WDFY3: variants seen among roughly 807,000 people sequenced by gnomAD.
WDFY3 encodes the protein WD repeat and FYVE domain containing 3, also known as WD repeat and FYVE domain-containing protein 3.
WDFY3 carries 66 observed loss-of-function variants against 409.6 expected under a neutral mutation model. The ratio of observed to expected loss-of-function variants is 0.16; its 90% CI spans 0.13 to 0.20. The LOEUF is 0.20. WDFY3 is among the 10% of genes least tolerant of loss of function. The probability of loss-of-function intolerance (pLI) is 1.00; values close to 1 mark genes in which losing one functional copy is unlikely to be tolerated. For missense variants in WDFY3, 3,031 were observed against 4,298.1 expected, an observed-to-expected ratio of 0.71 and a Z score of 8.24; for synonymous variants, 1,521 against 1,537.1, an observed-to-expected ratio of 0.99 and a Z score of 0.25.
At chr4:84,803,095 A>T (rs961613546) in intron 16 of WDFY3, among the ~76,000 whole-genome samples, 195 bp downstream of exon 16, 1 of 152,260 alleles carries the variant, frequency 6.6e-6, no homozygotes, top group Non-Finnish European at 1.5e-5. Context: ...TGAATGAATT[A>T]GATTCTAAAA....
intron 55 of WDFY3, 139 bp from the exon 56 acceptor site, chr4:84,702,645 T>C (rs1035126744): frequency 1.5e-6 from 1 of 668,246 alleles, no homozygotes; most frequent in African/African-American, 1.8e-5. Flanking sequence ...TACGCACAAA[T>C]TTTTAATAAA....
chr4:84,834,446 A>G (rs969434582), intron 7 of WDFY3, among the ~76,000 whole-genome samples: 2 of 152,082 alleles, frequency 1.3e-5, no homozygotes, highest in African/African-American at 2.4e-5. Context: ...CAGGAGTTCG[A>G]GACCAACCTG....
intron 5 of WDFY3, among the ~76,000 whole-genome samples, chr4:84,847,600 A>C (rs1758254512): frequency 7.1e-6 from 1 of 140,146 alleles, no homozygotes; most frequent in Non-Finnish European, 1.5e-5. Context: ...CCCCGTCTCT[A>C]CTAAAAAAAA....
chr4:84,879,947 G>A (rs959250085), intron 3 of WDFY3, among the ~76,000 whole-genome samples: 8 of 152,180 alleles, frequency 5.3e-5, no homozygotes, highest in African/African-American at 1.9e-4. Flanking sequence ...GTGTGAGGCA[G>A]AATAATGGCC....
At chr4:84,906,665 A>T (rs527758461) in intron 2 of WDFY3, among the ~76,000 whole-genome samples, 1 of 152,316 alleles carries the variant, frequency 6.6e-6, no homozygotes, top group Non-Finnish European at 1.5e-5. Flanking sequence ...TATACTTTAA[A>T]TCATGCTTGT....
Position 84,690,388 on chromosome 4 carries a change from T to C in WDFY3, c.9363+118A>G. 3 of 1,414,800 alleles carry C rather than the reference T, an allele frequency of 2.1e-6. No homozygotes were observed. In the South Asian group the frequency reaches 3.9e-5, roughly 18 times the overall value. 87.6% of individuals were successfully genotyped at this position (1,414,800 alleles called of 1,614,324 possible). On this transcript the variant is annotated intron_variant, in intron 61 of 67. Transcript: ENST00000295888. ...TATTTCTAGCAACAGAACGTCACTT[T>C]GGTTTTGTCCATTAGATCTGAAGTA...
At chr4:84,763,215 T>C (rs1743012648) in intron 32 of WDFY3, among the ~76,000 whole-genome samples, 1 of 152,068 alleles carries the variant, frequency 6.6e-6, no homozygotes, top group Non-Finnish European at 1.5e-5. Context: ...AAAGAATGAG[T>C]TCATGTCCTT....
intron 3 of WDFY3, among the ~76,000 whole-genome samples, chr4:84,893,066 G>C (rs1390883848): frequency 6.6e-6 from 1 of 152,158 alleles, no homozygotes; most frequent in Non-Finnish European, 1.5e-5. Flanking sequence ...GTAGAGTTGG[G>C]GAGCAGAATT....
At chr4:84,710,803 A>G (rs972470589) in intron 51 of WDFY3, among the ~76,000 whole-genome samples, 21 of 152,236 alleles carry the variant, frequency 1.4e-4, no homozygotes, top group African/African-American at 5.1e-4. Context: ...TCTAGGAAGC[A>G]GTAGCAATTC....
chr4:84,849,682 T>A (rs1758613341), intron 5 of WDFY3: 1 of 434,058 alleles, frequency 2.3e-6, no homozygotes, highest in South Asian at 3.6e-5. Flanking sequence ...AGGGTGGAAG[T>A]GGTAGTGGTC....
chr4:84,889,049 T>C (rs1764599632), intron 3 of WDFY3, among the ~76,000 whole-genome samples: 1 of 152,190 alleles, frequency 6.6e-6, no homozygotes, highest in African/African-American at 2.4e-5. Flanking sequence ...AGTTCAGATA[T>C]TGTGACTAAC....
At chr4:84,911,274 G>A (rs13114115) in intron 2 of WDFY3, among the ~76,000 whole-genome samples, 58,865 of 151,916 alleles carry the variant, frequency 0.39, 11,732 homozygotes, top group Admixed American at 0.47. Context: ...ATCACTTGAA[G>A]CCAGGAGTTT....
intron 5 of WDFY3, among the ~76,000 whole-genome samples, chr4:84,848,256 G>GA (rs199781695): frequency 6.0e-4 from 82 of 137,594 alleles, no homozygotes; most frequent in South Asian, 1.4e-3. Context: ...AAAGCTTCTA[G>GA]AAAAAAAAAA....
chr4:84,866,783 T>G (rs940433904), intron 3 of WDFY3, among the ~76,000 whole-genome samples: 5 of 152,240 alleles, frequency 3.3e-5, no homozygotes, highest in African/African-American at 1.2e-4. Context: ...TCGTTACTTG[T>G]GCTTCATTGC....
intron 6 of WDFY3, among the ~76,000 whole-genome samples, chr4:84,838,637 A>T (rs925233209): frequency 6.6e-6 from 1 of 152,214 alleles, no homozygotes; most frequent in Admixed American, 6.5e-5. Flanking sequence ...TATCCCTGGC[A>T]AGATGTGGCC....
chr4:84,765,685 T>C (rs1268954091), intron 32 of WDFY3, 125 bp downstream of exon 32: 3 of 735,326 alleles, frequency 4.1e-6, no homozygotes, highest in East Asian at 2.7e-5. Flanking sequence ...CTTCCTTCTA[T>C]CATTAATTAA....
At chr4:84,866,601 A>G (rs1432142627) in intron 3 of WDFY3, among the ~76,000 whole-genome samples, 3 of 152,328 alleles carry the variant, frequency 2.0e-5, no homozygotes, top group African/African-American at 7.2e-5. Context: ...TTAATTAGCC[A>G]TGGACCAAAT....
At chr4:84,834,290 G>T (rs1756229182) in intron 7 of WDFY3, among the ~76,000 whole-genome samples, 1 of 152,170 alleles carries the variant, frequency 6.6e-6, no homozygotes, top group Non-Finnish European at 1.5e-5. Flanking sequence ...TAGGCAGAAG[G>T]ATTCTTACAA....
At chr4:84,962,634 T>G (rs543127677) in intron 1 of WDFY3, among the ~76,000 whole-genome samples, 1 of 152,110 alleles carries the variant, frequency 6.6e-6, no homozygotes, top group African/African-American at 2.4e-5. Flanking sequence ...AAATTATGCT[T>G]CAATAAACAT....
Sources: allele counts gnomAD v4.1 joint callset (sites outside exome capture counted in the v4.1 genomes callset), GRCh38; gene constraint gnomAD v4.1.1; transcripts MANE v1.5; gene names NCBI Gene and HGNC (gene_info 2026-07-23, HGNC 2026-07-21).